MED12L: variants seen among roughly 807,000 people sequenced by gnomAD.
The protein encoded by MED12L is mediator complex subunit 12L, also known as mediator of RNA polymerase II transcription subunit 12-like protein.
MED12L carries 60 observed loss-of-function variants against 281.3 expected under a neutral mutation model. The observed-to-expected ratio is 0.21, with a 90% CI of 0.17 to 0.26. The LOEUF (loss-of-function observed/expected upper bound fraction) is 0.26, where lower values mean the gene tolerates loss of function less well. Among genes scored for constraint, MED12L ranks in the 10% least tolerant of loss-of-function variants. The pLI is 1.00. For missense variants in MED12L, 2,146 were observed against 2,680.9 expected (o/e 0.80, Z 4.41); for synonymous variants, 974 against 987.2 (o/e 0.99, Z 0.25).
chr3:151,100,289 T>G (rs1721238116), intron 2 of MED12L, among the ~76,000 whole-genome samples: 1 of 152,222 alleles, frequency 6.6e-6, no homozygotes, highest in African/African-American at 2.4e-5. Context: ...CCACATCCAA[T>G]GTGCTGCAGA....
chr3:151,246,136 G>A (rs1257693843), intron 16 of MED12L, among the ~76,000 whole-genome samples: 1 of 152,078 alleles, frequency 6.6e-6, no homozygotes, highest in African/African-American at 2.4e-5. Flanking sequence ...CAAACAAATG[G>A]AAGAACATTC....
intron 16 of MED12L, among the ~76,000 whole-genome samples, chr3:151,299,428 T>A (rs1161456041): frequency 2.4e-5 from 2 of 82,098 alleles, no homozygotes; most frequent in African/African-American, 9.3e-5. Context: ...CTCCCCCTCC[T>A]CTCCTCTCTT....
chr3:151,352,673 G>C (rs1753382332), intron 17 of MED12L, among the ~76,000 whole-genome samples: 1 of 152,124 alleles, frequency 6.6e-6, no homozygotes. Flanking sequence ...GATCAGCCAG[G>C]TCTTGCCTAG....
At chr3:151,188,724 G>T (rs1186961155) in intron 13 of MED12L, among the ~76,000 whole-genome samples, 5 of 152,204 alleles carry the variant, frequency 3.3e-5, no homozygotes, top group African/African-American at 4.8e-5. Context: ...ATGTAAGGAA[G>T]TAAGGTCTTG....
In MED12L at chr3:151,365,091, C is replaced by T. The variant is rs752088273; in HGVS notation, c.3070C>T (p.Arg1024Cys). 129 of 1,613,920 alleles carry T rather than the reference C, an allele frequency of 8.0e-5. No homozygotes were observed. Among genetic ancestry groups the T allele is most frequent in the Middle Eastern group, 1.6e-4 (1 of 6,084 alleles). The change falls in exon 22 of 45, where the codon CGC becomes TGC. Residue 1024 changes from arginine (R) to cysteine (C), a missense_variant. Physicochemically the swap from Arg to Cys is radical, Grantham distance 180 (BLOSUM62 -3). Around this residue, in one of 9 missense-constraint regions of MED12L, gnomAD observed 404 missense variants for 603.5 expected, o/e 0.67. Transcript: ENST00000687756. Reference protein sequence around the residue: ...MMDFIENPSARSINYSMLGKI... With the variant: ...MMDFIENPSACSINYSMLGKI... ...GGATTTTATTGAGAATCCCTCAGCC[C>T]GCAGCATCAACTACTCAATGCTGGG...
chr3:151,278,813 G>A (rs1742331665), intron 16 of MED12L, among the ~76,000 whole-genome samples: 1 of 152,130 alleles, frequency 6.6e-6, no homozygotes, highest in African/African-American at 2.4e-5. Flanking sequence ...TGGAAATGCG[G>A]AATTAACAGA....
Position 151,165,532 on chromosome 3 carries a change from A to T in MED12L, c.1357+13A>T, listed in dbSNP as rs1329544597. ...GAATCCACAGCAGGTACAGAATGCC[A>T]CAGAGGAACGAGTGCTTTTGAATGT... On this transcript the variant is annotated intron_variant, in intron 10 of 44. Transcript: ENST00000687756. The T allele has an allele frequency of 4.4e-6, 7 of 1,596,946 alleles. No homozygotes were observed. The highest frequency in any genetic ancestry group is 6.0e-6 in the Non-Finnish European group (7 of 1,164,696).
intron 2 of MED12L, among the ~76,000 whole-genome samples, chr3:151,106,221 T>TTTCC (rs143132329): frequency 1.1e-4 from 16 of 149,498 alleles, no homozygotes; most frequent in South Asian, 4.3e-4. Flanking sequence ...TTTTTCTTTC[T>TTTCC]TTCCTTCCTT....
At chr3:151,095,540 G>T (rs149469492) in intron 2 of MED12L, among the ~76,000 whole-genome samples, 20 of 152,248 alleles carry the variant, frequency 1.3e-4, no homozygotes, top group Admixed American at 9.8e-4. Context: ...CTTTCGCCAT[G>T]TTGGCCAAGT....
intron 2 of MED12L, among the ~76,000 whole-genome samples, chr3:151,115,808 A>T (rs1421787016): frequency 6.6e-6 from 1 of 151,864 alleles, no homozygotes; most frequent in Non-Finnish European, 1.5e-5. Context: ...CTGTAATCCC[A>T]GTACTTTGGG....
chr3:151,385,333 T>C, intron 36 of MED12L, 142 bp downstream of exon 36: 1 of 525,870 alleles, frequency 1.9e-6, no homozygotes, highest in Non-Finnish European at 3.3e-6. Context: ...TAAGTGTACT[T>C]AGTCATTGGC....
rs143019368 is a variant in MED12L, at chr3:151,280,918, A to G, written c.2251-69141A>G. Reference sequence around the variant, plus strand: ...AATTTAACAGTTGTCTAAGCTAGAAAGTAGCAGGACTGGACTTTGAAGTAG... The same window carrying G: ...AATTTAACAGTTGTCTAAGCTAGAAGGTAGCAGGACTGGACTTTGAAGTAG... On this transcript the variant is annotated intron_variant, in intron 16 of 44. Transcript: ENST00000687756. Among the ~76,000 whole-genome samples the G allele has an allele frequency of 4.5e-4, 68 of 152,170 alleles. 1 individual carries two copies. Among genetic ancestry groups the G allele is most frequent in the African/African-American group, 1.6e-3 (68 of 41,500 alleles).
chr3:151,432,561 T>C, intron 44 of MED12L, 191 bp from the exon 45 acceptor site: 1 of 483,424 alleles, frequency 2.1e-6, no homozygotes, highest in Non-Finnish European at 3.7e-6. Flanking sequence ...GGACTGTGAA[T>C]AAAGGTGTCC....
intron 21 of MED12L, 117 bp from the exon 22 acceptor site, chr3:151,364,862 G>T: frequency 1.4e-6 from 1 of 716,434 alleles, no homozygotes; most frequent in South Asian, 1.8e-5. Flanking sequence ...CTCATAATGT[G>T]AATCTTCTCT....
chr3:151,235,692 CAAATAAAT>C lies in MED12L; in HGVS notation c.2250+42049_2250+42056del, dbSNP rs139535921. On this transcript the variant is annotated intron_variant, in intron 16 of 44. Coordinates refer to ENST00000687756, the MANE Select transcript of MED12L (RefSeq NM_001393769.1). Reference sequence around the variant, plus strand: ...CTGGTAACAGAGCTAGACTCCATCTCAAATAAATAAATAAATAAATAAATAAATAAGTA... The same window carrying C: ...CTGGTAACAGAGCTAGACTCCATCTCAAATAAATAAATAAATAAATAAGTA... Among the ~76,000 whole-genome samples, 862 of 149,048 alleles carry C rather than the reference CAAATAAAT, an allele frequency of 5.8e-3. 9 individuals carry two copies. The highest frequency in any genetic ancestry group is 0.017 in the African/African-American group (695 of 40,266).
intron 2 of MED12L, among the ~76,000 whole-genome samples, chr3:151,108,674 A>G (rs570265874): frequency 2.0e-5 from 3 of 152,300 alleles, no homozygotes; most frequent in African/African-American, 4.8e-5. Context: ...TTTCTGTCCA[A>G]TTCATTGAAT....
intron 38 of MED12L, among the ~76,000 whole-genome samples, chr3:151,394,077 T>C (rs768279297): frequency 6.6e-6 from 1 of 152,212 alleles, no homozygotes; most frequent in Non-Finnish European, 1.5e-5. Flanking sequence ...TAATAGTTGC[T>C]TGTTTATTTG....
At chr3:151,086,766 C>T in intron 1 of MED12L, 32 bp from the exon 2 acceptor site, 1 of 573,144 alleles carries the variant, frequency 1.7e-6, no homozygotes, top group South Asian at 2.3e-5. Flanking sequence ...GCAGCGGCAG[C>T]ATCCAACCTG....
At chr3:151,219,064 G>A (rs536930654) in intron 16 of MED12L, among the ~76,000 whole-genome samples, 1 of 152,220 alleles carries the variant, frequency 6.6e-6, no homozygotes, top group South Asian at 2.1e-4. Context: ...GAACATGGCA[G>A]AATGAGATTT....
Sources: gnomAD v4.1 joint callset for allele counts (sites outside exome capture counted in the v4.1 genomes callset) on GRCh38, gnomAD v4.1.1 for gene constraint, gnomAD v4.1.1 regional missense constraint, MANE v1.5 for transcripts, NCBI Gene and HGNC (gene_info 2026-07-23, HGNC 2026-07-21) for gene names.